Variants in ENPP2 observed in about 807,000 individuals in gnomAD.
ENPP2 encodes the protein autotaxin.
ENPP2 carries 51 observed loss-of-function variants against 120.2 expected under a neutral mutation model. The ratio of observed to expected loss-of-function variants is 0.42; its 90% CI spans 0.34 to 0.54. The LOEUF is 0.54. Ranked by LOEUF, ENPP2 falls within the 20% of genes least tolerant of loss-of-function variation. The pLI is 0.04. For synonymous variants in ENPP2, 365 were observed against 366.4 expected (o/e 1.00, Z 0.04); for missense variants, 920 against 1,066.5 (o/e 0.86, Z 1.91).
intron 24 of ENPP2, among the ~76,000 whole-genome samples, chr8:119,561,001 T>A (rs1475457693): frequency 6.6e-6 from 1 of 152,216 alleles, no homozygotes; most frequent in African/African-American, 2.4e-5. Context: ...TAACAACTAC[T>A]ACTACTGCTC....
intron 8 of ENPP2, among the ~76,000 whole-genome samples, chr8:119,615,678 T>C (rs1193646893): frequency 6.6e-6 from 1 of 152,222 alleles, no homozygotes; most frequent in Non-Finnish European, 1.5e-5. Context: ...ATGAATTTAC[T>C]GTGGATTTCA....
chr8:119,647,456 TGTA>T (rs1817504159), intron 1 of ENPP2, among the ~76,000 whole-genome samples: 2 of 152,306 alleles, frequency 1.3e-5, no homozygotes, highest in South Asian at 4.1e-4. Context: ...AAATTTGACT[TGTA>T]GTACTTCCTC....
rs547371219 is a variant in ENPP2 at position 119,564,870 on chromosome 8, G to A, written c.2217C>T (p.Phe739=). The A allele has an allele frequency of 2.4e-5, 38 of 1,613,118 alleles. No homozygotes were observed. The highest frequency in any genetic ancestry group is 1.0e-4 in the Admixed American group (6 of 59,998). ...CATGTAAGCCATCATAGTCATAGTCGAAGATTGGTCCACTTATCACGTTAA... is the reference window on the plus strand; with the variant it reads ...CATGTAAGCCATCATAGTCATAGTCAAAGATTGGTCCACTTATCACGTTAA... ...NGVNVISGPI[F]DYDYDGLHDT... The change falls in exon 23 of 25, where the codon TTC becomes TTT. Residue 739 remains phenylalanine (F), a synonymous_variant. Transcript: ENST00000075322.
intron 8 of ENPP2, among the ~76,000 whole-genome samples, chr8:119,611,339 G>C (rs1225334836): frequency 6.6e-6 from 1 of 152,232 alleles, no homozygotes; most frequent in Non-Finnish European, 1.5e-5. Flanking sequence ...CAGAATTCTA[G>C]GAGACCAGGG....
intron 1 of ENPP2, among the ~76,000 whole-genome samples, chr8:119,664,312 G>A (rs1030951308): frequency 2.0e-5 from 3 of 152,148 alleles, no homozygotes; most frequent in Non-Finnish European, 2.9e-5. Context: ...GAGTTTCAGC[G>A]CTACCACTTC....
intron 2 of ENPP2, among the ~76,000 whole-genome samples, 160 bp from the exon 3 acceptor site, chr8:119,626,880 CT>C (rs949292977): frequency 2.0e-5 from 3 of 152,192 alleles, no homozygotes; most frequent in African/African-American, 7.2e-5. Flanking sequence ...GGTTGCCCAA[CT>C]TCCTTGTTCT....
chr8:119,557,710 A>C lies in ENPP2; in HGVS notation c.2422-19T>G. On this transcript the variant is annotated intron_variant, in intron 24 of 24. Transcript: ENST00000075322. ...CTGAGCTCTGCAATGGAAACAGAAC[A>C]AAATCAGAATCAGAATTTTCCAGAG... 1 of 1,524,544 alleles carries C rather than the reference A, an allele frequency of 6.6e-7. No individual in the cohort carries two copies. The highest frequency in any genetic ancestry group is 8.7e-7 in the Non-Finnish European group (1 of 1,143,054). 94.4% of individuals were successfully genotyped at this position (1,524,544 alleles called of 1,614,324 possible). A position where few individuals can be genotyped will look rare whatever the true frequency, so the allele number is the denominator to read the frequency against.
At chr8:119,601,562 T>C (rs1186889001) in intron 9 of ENPP2, 100 bp from the exon 10 acceptor site, 3 of 769,890 alleles carry the variant, frequency 3.9e-6, no homozygotes, top group East Asian at 2.5e-5. Context: ...ATGCTCTCTA[T>C]TTACCACCAT....
At chr8:119,576,092 C>T (rs1427339151) in intron 19 of ENPP2, among the ~76,000 whole-genome samples, 1 of 152,170 alleles carries the variant, frequency 6.6e-6, no homozygotes, top group Non-Finnish European at 1.5e-5. Context: ...TAGCCATATT[C>T]AGGACTCTGC....
chr8:119,578,559 G>GTAGTATT (rs1201273196), intron 19 of ENPP2: 21 of 152,316 alleles, frequency 1.4e-4, no homozygotes, highest in African/African-American at 5.1e-4. Flanking sequence ...AAGCATCTGA[G>GTAGTATT]TAGTATTTAT....
chr8:119,601,469 G>A lies in ENPP2; in HGVS notation c.834-7C>T. 2 of 1,610,890 alleles carry A rather than the reference G, an allele frequency of 1.2e-6. No individual in the cohort carries two copies. Among genetic ancestry groups the A allele is most frequent in the Non-Finnish European group, 1.7e-6 (2 of 1,177,428 alleles). Reference sequence around the variant, plus strand: ...CCGCTCGTGAGGGATGACACTGGAGGGTAAAAGCAAGCAAAGCATGTTGTT... The same window carrying A: ...CCGCTCGTGAGGGATGACACTGGAGAGTAAAAGCAAGCAAAGCATGTTGTT... On this transcript the variant is annotated splice_region_variant and splice_polypyrimidine_tract_variant and intron_variant, in intron 9 of 24. Coordinates refer to ENST00000075322, the MANE Select transcript of ENPP2 (RefSeq NM_001040092.3).
intron 1 of ENPP2, among the ~76,000 whole-genome samples, chr8:119,646,802 T>G (rs754041589): frequency 6.6e-6 from 1 of 152,166 alleles, no homozygotes; most frequent in Non-Finnish European, 1.5e-5. Flanking sequence ...GTTGTGCTCT[T>G]TCATACCTCC....
chr8:119,635,750 T>C (rs559198660), intron 2 of ENPP2, among the ~76,000 whole-genome samples: 4 of 152,360 alleles, frequency 2.6e-5, no homozygotes, highest in African/African-American at 9.6e-5. Flanking sequence ...ATAAATCTTT[T>C]ATGACCTGGT....
chr8:119,601,517 A>C, intron 9 of ENPP2, 55 bp from the exon 10 acceptor site: 1 of 1,337,082 alleles, frequency 7.5e-7, no homozygotes. Context: ...CGCAAACTCA[A>C]GCCTGAGGAG....
intron 15 of ENPP2, among the ~76,000 whole-genome samples, chr8:119,584,873 C>CA (rs1282395694): frequency 6.6e-6 from 1 of 152,042 alleles, no homozygotes; most frequent in Non-Finnish European, 1.5e-5. Flanking sequence ...TTTGGGAAAA[C>CA]AAAAAATCTA....
intron 20 of ENPP2, among the ~76,000 whole-genome samples, chr8:119,570,499 C>G (rs1814875105): frequency 6.6e-6 from 1 of 152,136 alleles, no homozygotes; most frequent in Non-Finnish European, 1.5e-5. Flanking sequence ...GATCTACCTT[C>G]AAAGTTTAAC....
At chr8:119,670,656 C>T (rs949005837) in intron 1 of ENPP2, among the ~76,000 whole-genome samples, 2 of 152,272 alleles carry the variant, frequency 1.3e-5, no homozygotes, top group Admixed American at 6.5e-5. Flanking sequence ...TGATCTGCAT[C>T]GTTTCCAAGA....
intron 5 of ENPP2, among the ~76,000 whole-genome samples, chr8:119,617,981 C>T (rs1457684702): frequency 3.9e-5 from 6 of 152,112 alleles, no homozygotes; most frequent in African/African-American, 1.2e-4. Flanking sequence ...AATAACCGAA[C>T]ATATTCATTT....
intron 8 of ENPP2, among the ~76,000 whole-genome samples, chr8:119,610,525 C>A (rs1251744460): frequency 6.6e-6 from 1 of 151,008 alleles, no homozygotes; most frequent in African/African-American, 2.5e-5. Context: ...AGAAGCTTCC[C>A]GGTTCCTTGT....
Sources: gnomAD v4.1 joint callset for allele counts (sites outside exome capture counted in the v4.1 genomes callset) on GRCh38, gnomAD v4.1.1 for gene constraint, MANE v1.5 for transcripts, NCBI Gene and HGNC (gene_info 2026-07-23, HGNC 2026-07-21) for gene names.